NGB: variants seen among roughly 807,000 people sequenced by gnomAD.
The protein encoded by NGB is nitrite reductase.
In NGB, 12 loss-of-function variants were observed where a neutral mutation model predicts 17.3. The ratio of observed to expected loss-of-function variants is 0.69; its 90% CI spans 0.45 to 1.13. The LOEUF (loss-of-function observed/expected upper bound fraction) is 1.13. NGB is among the 50% of genes most tolerant of loss of function. NGB has a pLI of 0.00. For missense variants in NGB, 195 were observed against 191.7 expected (o/e 1.02, Z -0.10); for synonymous variants, 87 against 81.0 (o/e 1.07, Z -0.40).
In NGB at chr14:77,266,339, C is replaced by T; in HGVS notation, c.*197G>A. On this transcript the variant is annotated 3_prime_UTR_variant, in exon 4 of 4. Transcript: ENST00000298352. ...CTGGGGATGAGGGGACACCCAGAAGCCCCTTCCTGGAGGAAAAGCCACTCC... is the reference window on the plus strand; with the variant it reads ...CTGGGGATGAGGGGACACCCAGAAGTCCCTTCCTGGAGGAAAAGCCACTCC... 1 of 817,846 alleles carries T rather than the reference C, an allele frequency of 1.2e-6. No homozygotes were observed. Among genetic ancestry groups the T allele is most frequent in the Non-Finnish European group, 2.2e-6 (1 of 454,324 alleles). The allele number at this position is 817,846 out of a possible 1,614,324, so 50.7% of individuals were successfully genotyped here.
At position 77,266,454 on chromosome 14, in the gene NGB, A is replaced by T; in HGVS notation, c.*82T>A. Reference sequence around the variant, plus strand: ...AGGGGACAAGGACCAAGATGCAGGGAAGCTTGGGGAGCCTGGGCTACAACA... The same window carrying T: ...AGGGGACAAGGACCAAGATGCAGGGTAGCTTGGGGAGCCTGGGCTACAACA... On this transcript the variant is annotated 3_prime_UTR_variant, in exon 4 of 4. Transcript: ENST00000298352. The T allele has an allele frequency of 6.4e-7, 1 of 1,556,188 alleles. No individual in the cohort carries two copies. The highest frequency in any genetic ancestry group is 1.2e-5 in the South Asian group (1 of 83,872).
rs956623570 is a variant in NGB, at chr14:77,271,039, C to T, written c.-102G>A. On this transcript the variant is annotated 5_prime_UTR_variant, in exon 1 of 4. Transcript: ENST00000298352. ...CCTCCGCGACGCGGTCCCCTCCGCC[C>T]CTCGTACGCCCCCCGTGCCTCCGCC... The T allele has an allele frequency of 1.3e-4, 104 of 812,018 alleles. No individual in the cohort carries two copies. The highest frequency in any genetic ancestry group is 1.8e-4 in the Non-Finnish European group (100 of 556,428). 50.3% of individuals were successfully genotyped at this position (812,018 alleles called of 1,614,324 possible).
chr14:77,269,382 G>T (rs1488429157), intron 1 of NGB, 56 bp from the exon 2 acceptor site: 3 of 1,240,708 alleles, frequency 2.4e-6, no homozygotes, highest in Non-Finnish European at 3.4e-6. Flanking sequence ...GCAAGCCCCA[G>T]CAAGCCTGGC....
chr14:77,269,890 A>C (rs1889743426), intron 1 of NGB, among the ~76,000 whole-genome samples: 1 of 129,600 alleles, frequency 7.7e-6, no homozygotes, highest in African/African-American at 3.0e-5. Context: ...CAGTGGGTAC[A>C]ACTGTTATCC....
At chr14:77,267,367 T>C (rs1384485361) in intron 3 of NGB, among the ~76,000 whole-genome samples, 1 of 151,922 alleles carries the variant, frequency 6.6e-6, no homozygotes, top group Non-Finnish European at 1.5e-5. Context: ...ATGGGAAAAC[T>C]CCATCTCTAC....
At chr14:77,269,711 T>C (rs12891813) in intron 1 of NGB, among the ~76,000 whole-genome samples, 12 of 1,636 alleles carry the variant, frequency 7.3e-3, no homozygotes, top group Non-Finnish European at 0.01. Flanking sequence ...TCTCTCTCTC[T>C]CTCTCTCTCT....
At chr14:77,269,536 A>AAAGGGC (rs1465794192) in intron 1 of NGB, among the ~76,000 whole-genome samples, 2 of 152,022 alleles carry the variant, frequency 1.3e-5, no homozygotes, top group Non-Finnish European at 2.9e-5. Flanking sequence ...AGCATCCTAG[A>AAAGGGC]AAGGGCAAAT....
At position 77,268,647 on chromosome 14, in the gene NGB, A is replaced by G. The variant is rs567307607; in HGVS notation, c.202-62T>C. On this transcript the variant is annotated intron_variant, in intron 2 of 3. Coordinates refer to ENST00000298352, the MANE Select transcript of NGB (RefSeq NM_021257.4). ...AGAGCAGCCCCATCTGCTCACAATC[A>G]CAGCCCAAGGCATGAGGGTCCCAAA... 5.0e-6 allele frequency: 8 copies of G among 1,602,556 alleles called. No individual in the cohort carries two copies. The African/African-American group carries it at 9.4e-5, about 19-fold the overall frequency.
chr14:77,270,024 G>A (rs910696329), intron 1 of NGB, among the ~76,000 whole-genome samples: 1 of 151,894 alleles, frequency 6.6e-6, no homozygotes, highest in Non-Finnish European at 1.5e-5. Flanking sequence ...GAGTCCGGAG[G>A]CAGAAGCAGA....
chr14:77,270,901 A>G lies in NGB; in HGVS notation c.37T>C (p.Trp13Arg). Residue 13 changes from tryptophan (W) to arginine (R), a missense_variant, in exon 1 of 4, where the codon TGG becomes CGG. Physicochemically the swap from Trp to Arg is moderately radical, Grantham distance 101 (BLOSUM62 -3). Coordinates refer to ENST00000298352, the MANE Select transcript of NGB (RefSeq NM_021257.4). ...AGCGGGCTGCGGCTCACTGCCCGCC[A>G]GCTCTGCCGGATCAGCTCGGGCTCC... ...RPEPELIRQS[W>R]RAVSRSPLEH... is the part of the protein sequence containing the mutation. 1 of 1,582,748 alleles carries G rather than the reference A, an allele frequency of 6.3e-7. No homozygotes were observed.
intron 1 of NGB, among the ~76,000 whole-genome samples, chr14:77,270,100 T>C (rs561193431): frequency 1.9e-4 from 29 of 150,758 alleles, no homozygotes; most frequent in Non-Finnish European, 3.8e-4. Flanking sequence ...GTCTTGGGGG[T>C]GGTTTTGCGG....
In NGB at chr14:77,265,563, G is replaced by C. The variant is rs1889656438; in HGVS notation, c.*973C>G. The C allele has an allele frequency of 6.5e-6, 1 of 154,004 alleles. No individual in the cohort carries two copies. The highest frequency in any genetic ancestry group is 1.4e-5 in the Non-Finnish European group (1 of 69,208). The allele number at this position is 154,004 out of a possible 1,614,324, so 9.5% of individuals were successfully genotyped here. On this transcript the variant is annotated 3_prime_UTR_variant, in exon 4 of 4. Coordinates refer to ENST00000298352, the MANE Select transcript of NGB (RefSeq NM_021257.4). The surrounding 1 kb of genome is among the most constrained non-coding windows in gnomAD (Gnocchi z 4.7). ...GCACAGAGCAAATGGTACAAGTGCA[G>C]ATGGCTGGGGTGAGGGCGGGGGCCT... is the stretch of plus-strand genomic sequence containing the variant.
rs1350404166 is a variant in NGB at position 77,266,653 on chromosome 14, C to T, written c.339G>A (p.Leu113=). The T allele has an allele frequency of 1.2e-6, 2 of 1,613,878 alleles. No individual in the cohort carries two copies. The highest frequency in any genetic ancestry group is 1.7e-6 in the Non-Finnish European group (2 of 1,179,994). Residue 113 remains leucine, a synonymous_variant, in exon 4 of 4, where the codon CTG becomes CTA. Transcript: ENST00000298352. The stretch of plus-strand genomic sequence containing the variant: ...CCAGACACTTCTCCAGCATGTAGAG[C>T]AGAGACTCACCCACTGTCTGCAGAG... The part of the protein sequence containing the change: ...LSSFSTVGES[L]LYMLEKCLGP...
chr14:77,270,815 C>T (rs898158820), intron 1 of NGB, 34 bp downstream of exon 1: 43 of 1,519,604 alleles, frequency 2.8e-5, no homozygotes, highest in Non-Finnish European at 3.7e-5. Context: ...AGGCAGCCTC[C>T]ACCCGCATCC....
Position 77,269,330 on chromosome 14 carries a change from T to C in NGB, c.90-4A>G. ...GTCAGGCTCCAGGGCAAACAGCCTG[T>C]GGGAGTGAGGCCCAGGTGTTAGCCC... is the stretch of plus-strand genomic sequence containing the variant. On this transcript the variant is annotated splice_region_variant and splice_polypyrimidine_tract_variant and intron_variant, in intron 1 of 3. Coordinates refer to ENST00000298352, the MANE Select transcript of NGB (RefSeq NM_021257.4). 1 of 1,542,820 alleles carries C rather than the reference T, an allele frequency of 6.5e-7. No individual in the cohort carries two copies. The highest frequency in any genetic ancestry group is 8.8e-7 in the Non-Finnish European group (1 of 1,139,200).
rs573382690 is a variant in NGB at position 77,269,435 on chromosome 14, C to A, written c.90-109G>T. ...GCGGGGGTGCCAAGCCAGGTCTCAGCTGCAAACCACAGCTGACTCTCCCAC... is the reference window on the plus strand; with the variant it reads ...GCGGGGGTGCCAAGCCAGGTCTCAGATGCAAACCACAGCTGACTCTCCCAC... On this transcript the variant is annotated intron_variant, in intron 1 of 3. Coordinates refer to ENST00000298352, the MANE Select transcript of NGB (RefSeq NM_021257.4). The A allele has an allele frequency of 3.2e-4, 219 of 675,228 alleles. 1 individual carries two copies. Among genetic ancestry groups the A allele is most frequent in the Non-Finnish European group, 5.1e-4 (193 of 378,914 alleles). 41.8% of individuals were successfully genotyped at this position (675,228 alleles called of 1,614,324 possible).
At chr14:77,268,367 A>G (rs771301475) in intron 3 of NGB, 99 bp downstream of exon 3, 50 of 1,305,188 alleles carry the variant, frequency 3.8e-5, no homozygotes, top group Non-Finnish European at 5.1e-5. Context: ...ATCTAAGGAT[A>G]TGGGAATGGG....
At chr14:77,269,513 A>G (rs1889722496) in intron 1 of NGB, among the ~76,000 whole-genome samples, 187 bp from the exon 2 acceptor site, 1 of 152,012 alleles carries the variant, frequency 6.6e-6, no homozygotes, top group Non-Finnish European at 1.5e-5. Context: ...CATGCCTTCT[A>G]CTGGCTCTGG....
At chr14:77,269,704 CTCTCTCTCTCTCTCTCTCTCTCT>C (rs2140143692) in intron 1 of NGB, among the ~76,000 whole-genome samples, 1 of 1,268 alleles carries the variant, frequency 7.9e-4, no homozygotes. Flanking sequence ...CTCTCTCTCT[CTCTCTCTCTCTCTCTCTCTCTCT>C]TCTCTCTCTC....
Sources: gnomAD v4.1 joint callset for allele counts (sites outside exome capture counted in the v4.1 genomes callset) on GRCh38, gnomAD v4.1.1 for gene constraint, Gnocchi (gnomAD v3.1) non-coding constraint, MANE v1.5 for transcripts, NCBI Gene and HGNC (gene_info 2026-07-23, HGNC 2026-07-21) for gene names.